FGD4: variants seen among roughly 807,000 people sequenced by gnomAD.
The protein encoded by FGD4 is FYVE, RhoGEF and PH domain-containing protein 4.
A neutral mutation model predicts 102.0 loss-of-function variants in FGD4; 42 were observed. The observed-to-expected ratio is 0.41, with a 90% CI of 0.32 to 0.53. The LOEUF is 0.53. Ranked by LOEUF, FGD4 falls within the 20% of genes least tolerant of loss-of-function variation. The pLI is 0.21. For missense variants in FGD4, 902 were observed against 1,078.2 expected (o/e 0.84, Z 2.29); for synonymous variants, 380 against 375.7 (o/e 1.01, Z -0.13).
chr12:32,526,810 C>T (rs190151688), intron 1 of FGD4, among the ~76,000 whole-genome samples: 2 of 152,328 alleles, frequency 1.3e-5, no homozygotes, highest in East Asian at 3.9e-4. Context: ...CGAACAACTC[C>T]AGATGCCCCG....
Position 32,537,499 on chromosome 12 carries a change from T to G in FGD4, c.167-26638T>G, listed in dbSNP as rs531276168. Among the ~76,000 whole-genome samples the G allele has an allele frequency of 2.6e-5, 4 of 152,250 alleles. No homozygotes were observed. The East Asian group carries it at 7.8e-4, about 30-fold the overall frequency. On this transcript the variant is annotated intron_variant, in intron 1 of 16. Transcript: ENST00000534526. ...ATAATTGCCACTTCTCTGCTCGCAGTCCTTCAGTGAATTCCCATCTCTTTC... is the reference window on the plus strand; with the variant it reads ...ATAATTGCCACTTCTCTGCTCGCAGGCCTTCAGTGAATTCCCATCTCTTTC...
At chr12:32,638,551 G>T in intron 15 of FGD4, 104 bp from the exon 16 acceptor site, 1 of 1,429,430 alleles carries the variant, frequency 7.0e-7, no homozygotes, top group Non-Finnish European at 9.7e-7. Context: ...AATCTTTTTT[G>T]GATAGTCCAG....
chr12:32,453,220 A>ATTTTAT (rs1391496111), intron 1 of FGD4, among the ~76,000 whole-genome samples: 2 of 52,786 alleles, frequency 3.8e-5, no homozygotes, highest in Non-Finnish European at 3.7e-5. Flanking sequence ...ATATATATAT[A>ATTTTAT]ATATAGATAT....
intron 1 of FGD4, among the ~76,000 whole-genome samples, chr12:32,401,292 C>T (rs1421743311): frequency 2.0e-5 from 3 of 152,202 alleles, no homozygotes; most frequent in Non-Finnish European, 4.4e-5. Flanking sequence ...CGGAGTCTCA[C>T]TCTGTCGCCC....
rs1332391416 is a variant in FGD4 at position 32,643,386 on chromosome 12, T to C, written c.*2853T>C. 1 of 152,464 alleles carries C rather than the reference T, an allele frequency of 6.6e-6. No homozygotes were observed. Among genetic ancestry groups the C allele is most frequent in the East Asian group, 1.9e-4 (1 of 5,202 alleles). The allele number at this position is 152,464 out of a possible 1,614,324, so 9.4% of individuals were successfully genotyped here. On this transcript the variant is annotated 3_prime_UTR_variant, in exon 17 of 17. Coordinates refer to ENST00000534526, the MANE Select transcript of FGD4 (RefSeq NM_001370298.3). ...TAGATAATTATTAACTTTCTAGATGTGATACGGTAATTCGAATTGCAGAGT... is the reference window on the plus strand; with the variant it reads ...TAGATAATTATTAACTTTCTAGATGCGATACGGTAATTCGAATTGCAGAGT...
At chr12:32,577,285 A>G (rs1350865515) in intron 3 of FGD4, among the ~76,000 whole-genome samples, 1 of 152,242 alleles carries the variant, frequency 6.6e-6, no homozygotes, top group African/African-American at 2.4e-5. Context: ...TCTATGTACA[A>G]CTAAACAGAA....
intron 7 of FGD4, among the ~76,000 whole-genome samples, chr12:32,603,474 G>A (rs533858567): frequency 1.8e-3 from 270 of 151,700 alleles, no homozygotes; most frequent in African/African-American, 6.2e-3. Context: ...TGCAAGCTCC[G>A]CCTCCTGGGT....
chr12:32,582,744 T>C (rs1375530831), intron 4 of FGD4: 1 of 448,694 alleles, frequency 2.2e-6, no homozygotes, highest in Non-Finnish European at 4.0e-6. Context: ...ACAAATGTAT[T>C]GTTTTTACAT....
chr12:32,404,926 A>ATTTTTAT (rs1221578412), intron 1 of FGD4, among the ~76,000 whole-genome samples: 24 of 151,930 alleles, frequency 1.6e-4, no homozygotes, highest in African/African-American at 5.8e-4. Flanking sequence ...CAGCTTATTT[A>ATTTTTAT]TTTTTATTTT....
chr12:32,564,205 G>A lies in FGD4; in HGVS notation c.235G>A (p.Gly79Ser), dbSNP rs1431295535. ...CACAAGCAGCACAACCACACTGGTT[G>A]GTGAGAATGTATCTGAAGAAGAGGC... ...CSTSSTTTLV[G>S]ENVSEEEAQG... Residue 79 changes from glycine (G) to serine (S), a missense_variant, in exon 2 of 17, where the codon GGT becomes AGT. Coordinates refer to ENST00000534526, the MANE Select transcript of FGD4 (RefSeq NM_001370298.3). The A allele has an allele frequency of 6.5e-7, 1 of 1,536,114 alleles. No individual in the cohort carries two copies. The highest frequency in any genetic ancestry group is 2.0e-5 in the Admixed American group (1 of 51,000).
At chr12:32,469,127 A>G (rs1943347256) in intron 1 of FGD4, among the ~76,000 whole-genome samples, 1 of 152,002 alleles carries the variant, frequency 6.6e-6, no homozygotes, top group Admixed American at 6.6e-5. Context: ...CGCCCGGCCT[A>G]TTCTGGTGGT....
At chr12:32,527,252 G>T (rs752652698) in intron 1 of FGD4, among the ~76,000 whole-genome samples, 13 of 152,092 alleles carry the variant, frequency 8.5e-5, no homozygotes, top group Non-Finnish European at 1.9e-4. Flanking sequence ...GGGATATTAC[G>T]CAGTGTTTAA....
intron 1 of FGD4, among the ~76,000 whole-genome samples, chr12:32,494,401 C>T (rs1362395616): frequency 6.6e-6 from 1 of 152,098 alleles, no homozygotes; most frequent in African/African-American, 2.4e-5. Flanking sequence ...CTTTTACCCA[C>T]CTCCAGCCGT....
In FGD4 at chr12:32,640,624, G is replaced by A. The variant is rs1171247265; in HGVS notation, c.*91G>A. 5.7e-6 allele frequency: 9 copies of A among 1,579,624 alleles called. No homozygotes were observed. The highest frequency in any genetic ancestry group is 1.1e-5 in the South Asian group (1 of 89,666). On this transcript the variant is annotated 3_prime_UTR_variant, in exon 17 of 17. Coordinates refer to ENST00000534526, the MANE Select transcript of FGD4 (RefSeq NM_001370298.3). ...TCTTACACATCTGCTAGCACTTTAT[G>A]TTGAAAAATATAGGCCCATAAATGC...
intron 15 of FGD4, among the ~76,000 whole-genome samples, chr12:32,636,144 G>A (rs1042086926): frequency 6.6e-6 from 1 of 151,984 alleles, no homozygotes; most frequent in Non-Finnish European, 1.5e-5. Flanking sequence ...ATTGTAAGTG[G>A]TCGCGTAAAA....
chr12:32,423,090 GTTTATC>G (rs1237726483), intron 1 of FGD4, among the ~76,000 whole-genome samples: 2 of 152,004 alleles, frequency 1.3e-5, no homozygotes, highest in East Asian at 1.9e-4. Flanking sequence ...TGAGGATATT[GTTTATC>G]TTTAGCAATG....
chr12:32,489,544 C>T (rs1944020709), intron 1 of FGD4, among the ~76,000 whole-genome samples: 1 of 152,180 alleles, frequency 6.6e-6, no homozygotes, highest in African/African-American at 2.4e-5. Flanking sequence ...TTTGGCAGGT[C>T]AGGTGGAACA....
intron 1 of FGD4, among the ~76,000 whole-genome samples, chr12:32,483,715 A>T (rs1250122798): frequency 6.6e-6 from 1 of 152,130 alleles, no homozygotes; most frequent in Non-Finnish European, 1.5e-5. Context: ...TCCTCATTTG[A>T]CATCTTCACT....
At chr12:32,424,964 G>A (rs952403624) in intron 1 of FGD4, among the ~76,000 whole-genome samples, 6 of 152,122 alleles carry the variant, frequency 3.9e-5, no homozygotes, top group African/African-American at 1.4e-4. Flanking sequence ...GTAGATTCTG[G>A]ATATTAGCCC....
Sources: gnomAD v4.1 joint callset for allele counts (sites outside exome capture counted in the v4.1 genomes callset) on GRCh38, gnomAD v4.1.1 for gene constraint, MANE v1.5 for transcripts, NCBI Gene and HGNC (gene_info 2026-07-23, HGNC 2026-07-21) for gene names.